MYO15A: variants seen among roughly 807,000 people sequenced by gnomAD.
The protein encoded by MYO15A is unconventional myosin-XV.
A neutral mutation model predicts 394.6 loss-of-function variants in MYO15A; 308 were observed. The observed-to-expected ratio is 0.78, with a 90% CI of 0.71 to 0.86. The LOEUF is 0.86. MYO15A is among the 40% of genes least tolerant of loss of function. MYO15A has a pLI of 0.00. For synonymous variants in MYO15A, 1,957 were observed against 2,003.8 expected, an observed-to-expected ratio of 0.98 and a Z score of 0.62; for missense variants, 4,606 against 4,799.1, an observed-to-expected ratio of 0.96 and a Z score of 1.19.
rs376078648 is a variant in MYO15A, at chr17:18,138,864, G to T, written c.5061G>T (p.Pro1687=). 3.1e-6 allele frequency: 5 copies of T among 1,613,612 alleles called. No individual in the cohort carries two copies. The highest frequency in any genetic ancestry group is 4.2e-6 in the Non-Finnish European group (5 of 1,179,838). The change falls in exon 18 of 66, where the codon CCG becomes CCT. Residue 1687 remains proline (P), a synonymous_variant. Coordinates refer to ENST00000647165, the MANE Select transcript of MYO15A (RefSeq NM_016239.4). ...QKCHYHHGAN[P]LYSKPKMPLP... is the part of the protein sequence containing the mutation. ...GCCACTACCATCATGGCGCCAACCC[G>T]CTCTATTCCAAACCCAAGATGCCGC...
In MYO15A at chr17:18,143,971, A is replaced by T; in HGVS notation, c.6148A>T (p.Met2050Leu). The part of the protein sequence containing the change: ...TLPLDINNYP[M>L]AKFVQCHFKE... Reference sequence around the variant, plus strand: ...GCCCCTGGACATCAACAACTATCCTATGGCCAAGTTTGTCCAGTGCCACTT... The same window carrying T: ...GCCCCTGGACATCAACAACTATCCTTTGGCCAAGTTTGTCCAGTGCCACTT... Residue 2050 changes from methionine to leucine, a missense_variant, in exon 28 of 66, where the codon ATG (methionine) becomes TTG (leucine). Coordinates refer to ENST00000647165, the MANE Select transcript of MYO15A (RefSeq NM_016239.4). 1 of 1,613,428 alleles carries T rather than the reference A, an allele frequency of 6.2e-7. No individual in the cohort carries two copies. Among genetic ancestry groups the T allele is most frequent in the Non-Finnish European group, 8.5e-7 (1 of 1,179,958 alleles).
rs938964311 is a variant in MYO15A at position 18,157,654 on chromosome 17, C to T, written c.8789-68C>T. On this transcript the variant is annotated intron_variant, in intron 50 of 65. Coordinates refer to ENST00000647165, the MANE Select transcript of MYO15A (RefSeq NM_016239.4). ...AGGGTTAAGAATGTTCCCAAATCTC[C>T]CTAAAGGACCCCCTTAGTCACAAGA... The T allele has an allele frequency of 2.3e-5, 36 of 1,595,928 alleles. No homozygotes were observed. The Admixed American group carries it at 4.7e-4, about 21-fold the overall frequency.
rs1365500079 is a variant in MYO15A at position 18,131,234 on chromosome 17, T to C, written c.4039-5T>C. On this transcript the variant is annotated splice_region_variant and splice_polypyrimidine_tract_variant and intron_variant, in intron 8 of 65. Coordinates refer to ENST00000647165, the MANE Select transcript of MYO15A (RefSeq NM_016239.4). Reference sequence around the variant, plus strand: ...TCAATTCCCACATCTCCTTCTGGAGTCCAGATCCTGGAGGCAACACCCCTC... The same window carrying C: ...TCAATTCCCACATCTCCTTCTGGAGCCCAGATCCTGGAGGCAACACCCCTC... 6.2e-7 allele frequency: 1 copy of C among 1,612,382 alleles called. No individual in the cohort carries two copies. The highest frequency in any genetic ancestry group is 8.5e-7 in the Non-Finnish European group (1 of 1,179,288).
intron 1 of MYO15A, chr17:18,110,580 C>T (rs2045708626): frequency 6.6e-6 from 1 of 152,260 alleles, no homozygotes; most frequent in African/African-American, 2.4e-5. Context: ...ATGGCTTCCT[C>T]ACTGTGGGCT....
chr17:18,114,203 T>C (rs1187538827), intron 1 of MYO15A, among the ~76,000 whole-genome samples: 3 of 148,336 alleles, frequency 2.0e-5, no homozygotes, highest in Non-Finnish European at 4.5e-5. Context: ...TTTAGTATGC[T>C]CACAAGTGTG....
At chr17:18,172,335 C>G (rs1270717320) in intron 64 of MYO15A, 45 bp downstream of exon 64, 1 of 1,613,966 alleles carries the variant, frequency 6.2e-7, no homozygotes, top group Admixed American at 1.7e-5. Flanking sequence ...CCTCTGTTCC[C>G]TGGTCCCCAA....
chr17:18,119,978 ACCC>A lies in MYO15A; in HGVS notation c.1183_1185del (p.Pro395del). ...TATGGCGGTGGGGACGAGGCCATCT[ACCC>A]CCCCGAGGTGCCCTATTTTTACCCG... is the stretch of plus-strand genomic sequence containing the variant. On this transcript the variant is annotated inframe_deletion, in exon 2 of 66. Coordinates refer to ENST00000647165, the MANE Select transcript of MYO15A (RefSeq NM_016239.4). 6.2e-7 allele frequency: 1 copy of A among 1,612,184 alleles called. No homozygotes were observed.
chr17:18,172,092 AGGGCCAT>A, intron 63 of MYO15A, 58 bp from the exon 64 acceptor site: 1 of 1,611,746 alleles, frequency 6.2e-7, no homozygotes, highest in African/African-American at 1.3e-5. Context: ...TATGCAGTTC[AGGGCCAT>A]GGCTGTTGTC....
At chr17:18,126,915 A>C (rs2142282711) in intron 6 of MYO15A, 50 bp downstream of exon 6, 2 of 1,610,186 alleles carry the variant, frequency 1.2e-6, no homozygotes, top group Middle Eastern at 1.7e-4. Flanking sequence ...CTTAGGTAGC[A>C]GGCCTGCATC....
At chr17:18,114,443 G>A (rs1021793619) in intron 1 of MYO15A, among the ~76,000 whole-genome samples, 9 of 151,940 alleles carry the variant, frequency 5.9e-5, no homozygotes, top group Admixed American at 6.6e-5. Flanking sequence ...GTGGAAATGA[G>A]GTTTTACCAT....
chr17:18,110,168 A>T (rs1403335551), intron 1 of MYO15A: 1 of 152,154 alleles, frequency 6.6e-6, no homozygotes, highest in Middle Eastern at 3.4e-3. Flanking sequence ...CCCCAAGACT[A>T]CTTGTCTCCA....
rs201227412 is a variant in MYO15A, at chr17:18,178,831, G to T, written c.10554G>T (p.Lys3518Asn). 6.2e-7 allele frequency: 1 copy of T among 1,613,766 alleles called. No individual in the cohort carries two copies. The highest frequency in any genetic ancestry group is 1.3e-5 in the African/African-American group (1 of 74,902). ...AGAACCTGCTCAGTGCCCATGAGAA[G>T]CGGCTCACATTGCCCCCCAGCGAGA... is the stretch of plus-strand genomic sequence containing the variant. ...HVENLLSAHE[K>N]RLTLPPSEIT... Residue 3518 changes from lysine to asparagine, a missense_variant, in exon 66 of 66, where the codon AAG (lysine) becomes AAT (asparagine). By Grantham distance (94) the Lys-to-Asn change is moderately conservative. Coordinates refer to ENST00000647165, the MANE Select transcript of MYO15A (RefSeq NM_016239.4).
intron 65 of MYO15A, among the ~76,000 whole-genome samples, chr17:18,175,685 C>T (rs1021254287): frequency 6.6e-6 from 1 of 152,184 alleles, no homozygotes; most frequent in Non-Finnish European, 1.5e-5. Context: ...TGTCTACCAT[C>T]ACAGCATCCA....
At position 18,151,554 on chromosome 17, in the gene MYO15A, G is replaced by T. The variant is rs854773; in HGVS notation, c.7787+27G>T. ...TCAGCACTGCCCCTGCCCCCAGCCC[G>T]CCAGCCCCCTCACTGTACCTGAGTG... is the stretch of plus-strand genomic sequence containing the variant. On this transcript the variant is annotated intron_variant, in intron 40 of 65. Transcript: ENST00000647165. 0.73 allele frequency: 1,181,936 copies of T among 1,612,934 alleles called. 435,834 individuals are homozygous for T. Among genetic ancestry groups the T allele is most frequent in the African/African-American group, 0.8 (60,134 of 74,942 alleles).
At position 18,137,611 on chromosome 17, in the gene MYO15A, C is replaced by T. The variant is rs368865502; in HGVS notation, c.4807C>T (p.Leu1603=). The T allele has an allele frequency of 1.0e-4, 166 of 1,613,968 alleles. No individual in the cohort carries two copies. The highest frequency in any genetic ancestry group is 1.3e-4 in the Non-Finnish European group (159 of 1,180,034). ...CCTGAGCTTCAACAGCTTTGAGCAG[C>T]TGTGTATTAACTACGCAAACGAGAA... ...EDLSFNSFEQ[L]CINYANENLQ... Residue 1603 remains leucine (L), a synonymous_variant, in exon 16 of 66, where the codon CTG becomes TTG. Coordinates refer to ENST00000647165, the MANE Select transcript of MYO15A (RefSeq NM_016239.4).
intron 15 of MYO15A, 49 bp downstream of exon 15, chr17:18,136,735 G>C: frequency 6.5e-7 from 1 of 1,544,058 alleles, no homozygotes; most frequent in Non-Finnish European, 8.7e-7. Context: ...GCAAGGTCTC[G>C]CCTCCCTCAG....
chr17:18,128,823 A>G (rs2046100282), intron 7 of MYO15A, among the ~76,000 whole-genome samples: 1 of 152,098 alleles, frequency 6.6e-6, no homozygotes, highest in Non-Finnish European at 1.5e-5. Flanking sequence ...TTTGCAGTCC[A>G]TGGCAGAGAG....
chr17:18,126,339 C>G lies in MYO15A; in HGVS notation c.3757-8C>G, dbSNP rs2046039931. 3 of 1,612,896 alleles carry G rather than the reference C, an allele frequency of 1.9e-6. No individual in the cohort carries two copies. The highest frequency in any genetic ancestry group is 2.7e-5 in the African/African-American group (2 of 75,028). On this transcript the variant is annotated splice_region_variant and splice_polypyrimidine_tract_variant and intron_variant, in intron 4 of 65. Coordinates refer to ENST00000647165, the MANE Select transcript of MYO15A (RefSeq NM_016239.4). ...GCCACGACGCTGAGGCCACCGTCTGCCCAGCAGACATACATTGGGAGCATC... is the reference window on the plus strand; with the variant it reads ...GCCACGACGCTGAGGCCACCGTCTGGCCAGCAGACATACATTGGGAGCATC...
intron 61 of MYO15A, 149 bp from the exon 62 acceptor site, chr17:18,167,441 T>C: frequency 7.8e-7 from 1 of 1,281,780 alleles, no homozygotes; most frequent in South Asian, 1.3e-5. Flanking sequence ...TCTGCCATCA[T>C]TCCCCGAAAC....
Sources: gnomAD v4.1 joint callset for allele counts (sites outside exome capture counted in the v4.1 genomes callset) on GRCh38, gnomAD v4.1.1 for gene constraint, MANE v1.5 for transcripts, NCBI Gene and HGNC (gene_info 2026-07-23, HGNC 2026-07-21) for gene names.